Variants in PRAC2 observed in about 807,000 individuals in gnomAD.
The protein encoded by PRAC2 is protein PRAC2.
For synonymous variants in PRAC2, 43 were observed against 49.5 expected, an observed-to-expected ratio of 0.87 and a Z score of 0.55; for missense variants, 92 against 114.5, an observed-to-expected ratio of 0.80 and a Z score of 0.90.
At chr17:48,723,402 C>T (rs2038167127) in intron 1 of PRAC2, 89 bp downstream of exon 1, 2 of 304,228 alleles carry the variant, frequency 6.6e-6, no homozygotes, top group South Asian at 1.6e-4. Flanking sequence ...CAGGGTCTCC[C>T]CTGAAGGAAA....
upstream of PRAC2, chr17:48,723,060 A>T (rs2038162580): frequency 6.6e-6 from 1 of 152,178 alleles, no homozygotes. Flanking sequence ...ACTGGTAGGG[A>T]GAGAGGAAGA....
Position 48,724,646 on chromosome 17 carries a change from C to G in PRAC2, c.236C>G (p.Thr79Arg), listed in dbSNP as rs2271891. The G allele has an allele frequency of 0.41, 505,377 of 1,231,874 alleles. 104,906 individuals are homozygous for G. Among genetic ancestry groups the G allele is most frequent in the Middle Eastern group, 0.54 (1,737 of 3,208 alleles). The allele number at this position is 1,231,874 out of a possible 1,614,324, so 76.3% of individuals were successfully genotyped here. Residue 79 changes from threonine (T) to arginine (R), a missense_variant, in exon 2 of 2, where the codon ACG becomes AGG. Coordinates refer to ENST00000422730, the MANE Select transcript of PRAC2 (RefSeq NM_001282275.2). Reference protein sequence around the residue: ...PGRWKPVAPRTMKACPQVLLE... With the variant: ...PGRWKPVAPRRMKACPQVLLE... ...CGCTGGAAGCCTGTAGCTCCGCGGA[C>G]GATGAAAGCCTGCCCGCAGGTTCTC...
At chr17:48,723,932 T>C (rs1040851056) in intron 1 of PRAC2, among the ~76,000 whole-genome samples, 10 of 152,170 alleles carry the variant, frequency 6.6e-5, no homozygotes, top group Admixed American at 6.5e-5. Context: ...CTGCGGGAGT[T>C]TGGCTCTGAG....
Position 48,724,571 on chromosome 17 carries a change from A to T in PRAC2, c.161A>T (p.His54Leu). 8.1e-7 allele frequency: 1 copy of T among 1,232,066 alleles called. No homozygotes were observed. The highest frequency in any genetic ancestry group is 4.1e-5 in the South Asian group (1 of 24,298). The allele number at this position is 1,232,066 out of a possible 1,614,324, so 76.3% of individuals were successfully genotyped here. A position where few individuals can be genotyped will look rare whatever the true frequency, so the allele number is the denominator to read the frequency against. Residue 54 changes from histidine (H) to leucine (L), a missense_variant, in exon 2 of 2, where the codon CAT (histidine) becomes CTT (leucine). Physicochemically the swap from His to Leu is moderately conservative, Grantham distance 99. Coordinates refer to ENST00000422730, the MANE Select transcript of PRAC2 (RefSeq NM_001282275.2). The part of the protein sequence containing the change: ...LPMPWPNGRR[H>L]RVLDPHTQLS... ...ATGCCCTGGCCGAATGGCAGGCGACATCGGGTCCTGGACCCCCACACGCAG... is the reference window on the plus strand; with the variant it reads ...ATGCCCTGGCCGAATGGCAGGCGACTTCGGGTCCTGGACCCCCACACGCAG...
At chr17:48,723,578 A>T in intron 1 of PRAC2, 1 of 618,078 alleles carries the variant, frequency 1.6e-6, no homozygotes, top group Non-Finnish European at 2.3e-6. Flanking sequence ...AGGGCTTTCC[A>T]GCTTCCGGCC....
At chr17:48,721,999 A>G, upstream of PRAC2, 1 of 1,292,856 alleles carries the variant, frequency 7.7e-7, no homozygotes, top group Non-Finnish European at 1.0e-6. Flanking sequence ...GACAAACATT[A>G]AGTCTTATGG....
chr17:48,722,319 T>G, upstream of PRAC2: 1 of 1,613,244 alleles, frequency 6.2e-7, no homozygotes, highest in Non-Finnish European at 8.5e-7. Context: ...TCAGTTTACC[T>G]TATTAGAGAG....
At chr17:48,723,732 T>G in intron 1 of PRAC2, 1 of 1,231,794 alleles carries the variant, frequency 8.1e-7, no homozygotes. Context: ...CGCTCTGCGT[T>G]GCGGGTGCTG....
At chr17:48,723,793 A>T in intron 1 of PRAC2, 1 of 1,228,964 alleles carries the variant, frequency 8.1e-7, no homozygotes, top group Non-Finnish European at 1.0e-6. Context: ...GCATTGCGCC[A>T]CTACTCCCTT....
At chr17:48,723,428 G>A in intron 1 of PRAC2, 115 bp downstream of exon 1, 2 of 339,654 alleles carry the variant, frequency 5.9e-6, no homozygotes, top group Non-Finnish European at 1.1e-5. Context: ...TTAGAGTGCA[G>A]CACTTAGCAC....
In PRAC2 at chr17:48,723,202, C is replaced by T. The variant is rs1315983786; in HGVS notation, c.-195C>T. 1 of 152,216 alleles carries T rather than the reference C, an allele frequency of 6.6e-6. No homozygotes were observed. The highest frequency in any genetic ancestry group is 2.4e-5 in the African/African-American group (1 of 41,420). 9.4% of individuals were successfully genotyped at this position (152,216 alleles called of 1,614,324 possible). A position where few individuals can be genotyped will look rare whatever the true frequency, so the allele number is the denominator to read the frequency against. ...CCGCTCCCGAGCTTTCTCCCCTCTT[C>T]CCTGGAGAGCGACTGTTCGGGAGGG... On this transcript the variant is annotated 5_prime_UTR_variant, in exon 1 of 2. Transcript: ENST00000422730.
chr17:48,721,678 A>G, upstream of PRAC2: 1 of 1,094,020 alleles, frequency 9.1e-7, no homozygotes, highest in East Asian at 3.1e-5. Flanking sequence ...AGTTAGTTTA[A>G]AAAAGAAAAA....
At chr17:48,722,039 T>G, upstream of PRAC2, 3 of 973,770 alleles carry the variant, frequency 3.1e-6, no homozygotes, top group Non-Finnish European at 4.5e-6. Flanking sequence ...TAGTTCCCAC[T>G]CCCAAGCCTC....
chr17:48,722,306 C>A, upstream of PRAC2: 1 of 1,610,186 alleles, frequency 6.2e-7, no homozygotes, highest in Non-Finnish European at 8.5e-7. Context: ...CTTGGCCCAC[C>A]GATCAGTTTA....
chr17:48,722,264 G>T, upstream of PRAC2: 1 of 1,465,746 alleles, frequency 6.8e-7, no homozygotes, highest in Non-Finnish European at 9.6e-7. Flanking sequence ...TCCTGATGCA[G>T]CTACCATACT....
chr17:48,723,069 G>A (rs2038162696), upstream of PRAC2: 1 of 152,348 alleles, frequency 6.6e-6, no homozygotes, highest in Non-Finnish European at 1.5e-5. Flanking sequence ...GAGAGAGGAA[G>A]AAAGGCTGGC....
At chr17:48,720,917 G>T (rs1332674544), upstream of PRAC2, among the ~76,000 whole-genome samples, 2 of 152,150 alleles carry the variant, frequency 1.3e-5, no homozygotes, top group African/African-American at 4.8e-5. Context: ...TATTTTTTCA[G>T]TTGGTGGTAG....
At chr17:48,721,067 G>A (rs1474237461), upstream of PRAC2, among the ~76,000 whole-genome samples, 1 of 152,188 alleles carries the variant, frequency 6.6e-6, no homozygotes, top group Non-Finnish European at 1.5e-5. Flanking sequence ...AGCCAGCTGT[G>A]GGGAGAAGAG....
chr17:48,723,465 G>A (rs2038168128), intron 1 of PRAC2, among the ~76,000 whole-genome samples, 152 bp downstream of exon 1: 1 of 152,186 alleles, frequency 6.6e-6, no homozygotes, highest in Non-Finnish European at 1.5e-5. Context: ...ATGAAGGGGG[G>A]GAGGGGAGCT....
Sources: allele counts gnomAD v4.1 joint callset (sites outside exome capture counted in the v4.1 genomes callset), GRCh38; gene constraint gnomAD v4.1.1; transcripts MANE v1.5; gene names NCBI Gene and HGNC (gene_info 2026-07-23, HGNC 2026-07-21).